The following OTOF variants were observed in gnomAD, a reference collection of about 807,000 sequenced individuals.
OTOF encodes otoferlin.
OTOF carries 218 observed loss-of-function variants against 236.8 expected under a neutral mutation model. That is an observed-to-expected ratio of 0.92 (90% CI 0.82 to 1.03). OTOF has a LOEUF of 1.03. Among genes scored for constraint, OTOF ranks in the 50% least tolerant of loss-of-function variants. The probability of loss-of-function intolerance (pLI) is 0.00; values close to 1 mark genes in which losing one functional copy is unlikely to be tolerated. For synonymous variants in OTOF, 1,041 were observed against 1,072.5 expected (o/e 0.97, Z 0.57); for missense variants, 2,590 against 2,694.4 (o/e 0.96, Z 0.86).
chr2:26,508,351 G>T (rs1001563235), intron 5 of OTOF, among the ~76,000 whole-genome samples: 4 of 152,230 alleles, frequency 2.6e-5, no homozygotes, highest in Non-Finnish European at 4.4e-5. Flanking sequence ...CATAATTTTG[G>T]TCTTTACAGG....
intron 1 of OTOF, among the ~76,000 whole-genome samples, chr2:26,557,116 C>A (rs916305405): frequency 1.3e-5 from 2 of 152,206 alleles, no homozygotes; most frequent in Middle Eastern, 3.2e-3. Context: ...CCTATGAACA[C>A]AAGCTGCAAT....
At chr2:26,468,324 G>A in intron 33 of OTOF, 84 bp downstream of exon 33, 1 of 1,009,028 alleles carries the variant, frequency 9.9e-7, no homozygotes, top group Non-Finnish European at 1.6e-6. Context: ...GGAGGGAAAA[G>A]AGAAGCAGGT....
At position 26,463,584 on chromosome 2, in the gene OTOF, G is replaced by T. The variant is rs746464985; in HGVS notation, c.5104-13C>A. ...GCTCCAGGCGGCCCTGAGGAAGAGG[G>T]TTGTGGCAGATCTCCCAGGGCCTTC... On this transcript the variant is annotated splice_polypyrimidine_tract_variant and intron_variant, in intron 40 of 46. Coordinates refer to ENST00000272371, the MANE Select transcript of OTOF (RefSeq NM_194248.3). The T allele has an allele frequency of 6.3e-7, 1 of 1,587,706 alleles. No homozygotes were observed. Among genetic ancestry groups the T allele is most frequent in the East Asian group, 2.3e-5 (1 of 43,892 alleles).
intron 13 of OTOF, among the ~76,000 whole-genome samples, chr2:26,482,988 A>G (rs1170564142): frequency 1.2e-5 from 1 of 86,076 alleles, no homozygotes; most frequent in Non-Finnish European, 2.3e-5. Context: ...TGCGTGTGTG[A>G]GTGGGTGCAT....
chr2:26,476,923 C>G lies in OTOF; in HGVS notation c.2644G>C (p.Asp882His), dbSNP rs1443831576. Residue 882 changes from aspartate to histidine, a missense_variant, in exon 22 of 47, where the codon GAC (aspartate) becomes CAC (histidine). Transcript: ENST00000272371. Reference protein sequence around the residue: ...FSIVEEETGKDCAKVKTLFLK... With the variant: ...FSIVEEETGKHCAKVKTLFLK... ...AAGAGCGTCTTGACCTTGGCGCAGT[C>G]CTTGCCAGTCTCCTCCTCCACGATG... The G allele has an allele frequency of 1.2e-6, 2 of 1,611,242 alleles. No individual in the cohort carries two copies. The highest frequency in any genetic ancestry group is 1.7e-5 in the Admixed American group (1 of 59,956).
intron 6 of OTOF, among the ~76,000 whole-genome samples, chr2:26,503,550 G>A (rs1572457231): frequency 6.6e-6 from 1 of 152,270 alleles, no homozygotes; most frequent in African/African-American, 2.4e-5. Flanking sequence ...ACGAGGGCGG[G>A]AGGAGCCTTG....
At chr2:26,494,785 G>C (rs1377299033) in intron 9 of OTOF, among the ~76,000 whole-genome samples, 157 bp downstream of exon 9, 1 of 152,130 alleles carries the variant, frequency 6.6e-6, no homozygotes, top group Non-Finnish European at 1.5e-5. Flanking sequence ...ATGTGGCTCT[G>C]TTTGTCAGTG....
At position 26,471,127 on chromosome 2, in the gene OTOF, C is replaced by T. The variant is rs753038809; in HGVS notation, c.3888G>A (p.Val1296=). 8.4e-5 allele frequency: 135 copies of T among 1,614,006 alleles called. No homozygotes were observed. Among genetic ancestry groups the T allele is most frequent in the Non-Finnish European group, 1.1e-4 (130 of 1,180,024 alleles). Reference sequence around the variant, plus strand: ...GCATGGCCCCCACACTCACCACATCCACCTTGACAACAGCTTCAGAAGTCT... The same window carrying T: ...GCATGGCCCCCACACTCACCACATCTACCTTGACAACAGCTTCAGAAGTCT... The part of the protein sequence containing the change: ...LDATSEAVVK[V]DVAEEEKEKK... Residue 1296 remains valine, a synonymous_variant, in exon 31 of 47, where the codon GTG becomes GTA. Transcript: ENST00000272371.
chr2:26,475,886 G>C (rs767156497), intron 24 of OTOF, 28 bp downstream of exon 24: 1 of 1,584,672 alleles, frequency 6.3e-7, no homozygotes, highest in Non-Finnish European at 8.6e-7. Context: ...CTCAAAGCCA[G>C]AGCCACTCCC....
At chr2:26,467,589 T>C in intron 33 of OTOF, 88 bp from the exon 34 acceptor site, 1 of 1,443,236 alleles carries the variant, frequency 6.9e-7, no homozygotes, top group Non-Finnish European at 9.5e-7. Context: ...CTAATTTGCT[T>C]TACTAACTTA....
chr2:26,546,437 G>T (rs1181203220), intron 1 of OTOF, among the ~76,000 whole-genome samples: 5 of 151,208 alleles, frequency 3.3e-5, no homozygotes. Context: ...CTCCAGCCTG[G>T]GCAACAAGAG....
At chr2:26,494,022 C>G (rs1401613228) in intron 9 of OTOF, among the ~76,000 whole-genome samples, 1 of 152,218 alleles carries the variant, frequency 6.6e-6, no homozygotes, top group African/African-American at 2.4e-5. Flanking sequence ...TCTCACATCC[C>G]TCCCCAGAGC....
chr2:26,503,702 A>T (rs1666176429), intron 6 of OTOF, 70 bp downstream of exon 6: 2 of 1,375,920 alleles, frequency 1.5e-6, no homozygotes, highest in Admixed American at 3.4e-5. Context: ...GCAGCCGGGC[A>T]GGGGCTGGAA....
At chr2:26,510,134 C>T (rs550283138) in intron 5 of OTOF, among the ~76,000 whole-genome samples, 1 of 152,274 alleles carries the variant, frequency 6.6e-6, no homozygotes, top group South Asian at 2.1e-4. Flanking sequence ...CCAGACAGCA[C>T]CCTGACCTCA....
At chr2:26,521,415 G>A (rs1666674294) in intron 3 of OTOF, among the ~76,000 whole-genome samples, 2 of 152,212 alleles carry the variant, frequency 1.3e-5, no homozygotes, top group Admixed American at 1.3e-4. Flanking sequence ...CCCCCTGCAA[G>A]TGCTCACAGA....
chr2:26,477,658 C>T lies in OTOF; in HGVS notation c.2306G>A (p.Cys769Tyr). 6.2e-7 allele frequency: 1 copy of T among 1,612,476 alleles called. No individual in the cohort carries two copies. The highest frequency in any genetic ancestry group is 8.5e-7 in the Non-Finnish European group (1 of 1,179,976). The change falls in exon 19 of 47, where the codon TGT becomes TAT. Residue 769 changes from cysteine (C) to tyrosine (Y), a missense_variant. Around this residue, in one of 2 missense-constraint regions of OTOF, gnomAD observed 1,379 missense variants for 1,341.6 expected, o/e 1.03. Coordinates refer to ENST00000272371, the MANE Select transcript of OTOF (RefSeq NM_194248.3). The surrounding 1 kb of genome is among the most constrained non-coding windows in gnomAD (Gnocchi z 4.7). ...GCCCCTCCCTTCTCACCAGCAGCCACAGCTCAGCTCCTCCAGGACGCCCCG... is the reference window on the plus strand; with the variant it reads ...GCCCCTCCCTTCTCACCAGCAGCCATAGCTCAGCTCCTCCAGGACGCCCCG... ...RLRGVLEELS[C>Y]GCCRFLSLAD...
At chr2:26,490,623 G>A (rs1474748076) in intron 9 of OTOF, among the ~76,000 whole-genome samples, 3 of 152,160 alleles carry the variant, frequency 2.0e-5, no homozygotes, top group Non-Finnish European at 2.9e-5. Flanking sequence ...TGGCTGCTGG[G>A]GGCTGGCCCT....
intron 9 of OTOF, among the ~76,000 whole-genome samples, chr2:26,494,467 C>A (rs865843013): frequency 1.3e-5 from 2 of 152,214 alleles, no homozygotes; most frequent in African/African-American, 2.4e-5. Flanking sequence ...GTCTCACTGT[C>A]CCCTTGTGTA....
intron 1 of OTOF, among the ~76,000 whole-genome samples, chr2:26,557,496 G>A (rs753101056): frequency 6.6e-6 from 1 of 152,142 alleles, no homozygotes; most frequent in Non-Finnish European, 1.5e-5. Context: ...CCCGGGGTCA[G>A]GTCCAGCCTC....
Sources: gnomAD v4.1 joint callset for allele counts (sites outside exome capture counted in the v4.1 genomes callset) on GRCh38, gnomAD v4.1.1 for gene constraint, gnomAD v4.1.1 regional missense constraint, Gnocchi (gnomAD v3.1) non-coding constraint, MANE v1.5 for transcripts, NCBI Gene and HGNC (gene_info 2026-07-23, HGNC 2026-07-21) for gene names.